PSTPIP1: variants seen among roughly 807,000 people sequenced by gnomAD.
PSTPIP1 encodes the protein proline-serine-threonine phosphatase interacting protein 1.
In PSTPIP1, 66 loss-of-function variants were observed where a neutral mutation model predicts 69.6. The observed-to-expected ratio is 0.95, with a 90% CI of 0.78 to 1.16. The LOEUF (loss-of-function observed/expected upper bound fraction) is 1.16. PSTPIP1 is among the 50% of genes most tolerant of loss of function. The pLI is 0.00. For missense variants in PSTPIP1, 603 were observed against 557.4 expected (o/e 1.08, Z -0.82); for synonymous variants, 266 against 222.7 (o/e 1.19, Z -1.73).
At chr15:77,030,430 A>G in intron 8 of PSTPIP1, 72 bp from the exon 9 acceptor site, 1 of 1,500,494 alleles carries the variant, frequency 6.7e-7, no homozygotes, top group Non-Finnish European at 9.1e-7. Flanking sequence ...GGCATCCAGG[A>G]TGGGACCTGC....
chr15:77,030,915 C>A (rs747060067), intron 9 of PSTPIP1, among the ~76,000 whole-genome samples: 2 of 152,224 alleles, frequency 1.3e-5, no homozygotes, highest in Non-Finnish European at 2.9e-5. Context: ...CGTCCGAGGT[C>A]CCTCTCACTA....
At chr15:77,018,270 G>A (rs779324739) in intron 2 of PSTPIP1, 22 bp downstream of exon 2, 18 of 1,559,912 alleles carry the variant, frequency 1.2e-5, no homozygotes, top group Non-Finnish European at 1.6e-5. Flanking sequence ...GGCAGGCCAT[G>A]GGGAGCGCAG....
chr15:76,995,407 G>A lies in PSTPIP1; in HGVS notation c.-167G>A, dbSNP rs2075554505. ...GTTGAGCTTTTTCCTCCCCTCAGAA[G>A]CTCCTCTCTGGCTCGTGGCTGCCTT... On this transcript the variant is annotated 5_prime_UTR_variant, in exon 1 of 15. Transcript: ENST00000558012. The A allele has an allele frequency of 6.8e-7, 1 of 1,468,426 alleles. No homozygotes were observed. The highest frequency in any genetic ancestry group is 1.4e-5 in the South Asian group (1 of 72,374). The allele number at this position is 1,468,426 out of a possible 1,614,324, so 91.0% of individuals were successfully genotyped here. A position where few individuals can be genotyped will look rare whatever the true frequency, so the allele number is the denominator to read the frequency against.
Position 77,028,654 on chromosome 15 carries a change from T to C in PSTPIP1, c.516+2T>C, listed in dbSNP as rs758958264. ...GGCCACCAGAAGCAGGTGGAGAAGG[T>C]GCGCTGGGCTGCTGGGCCGTGTGGG... On this transcript the variant is annotated splice_donor_variant, in intron 7 of 14. Transcript: ENST00000558012. LOFTEE classifies it high-confidence loss of function. 1 of 1,555,364 alleles carries C rather than the reference T, an allele frequency of 6.4e-7. No individual in the cohort carries two copies. The highest frequency in any genetic ancestry group is 1.2e-5 in the South Asian group (1 of 84,368).
chr15:77,001,479 C>T (rs1485433285), intron 1 of PSTPIP1, among the ~76,000 whole-genome samples: 1 of 152,248 alleles, frequency 6.6e-6, no homozygotes, highest in Non-Finnish European at 1.5e-5. Flanking sequence ...GCCCAGCAAA[C>T]TGCTGTGGCT....
At chr15:77,012,129 C>G (rs1372336107) in intron 1 of PSTPIP1, among the ~76,000 whole-genome samples, 2 of 111,958 alleles carry the variant, frequency 1.8e-5, no homozygotes, top group African/African-American at 7.1e-5. Context: ...ATCCATCCAT[C>G]CATCCATCCA....
intron 9 of PSTPIP1, 42 bp from the exon 10 acceptor site, chr15:77,031,138 C>A: frequency 6.3e-7 from 1 of 1,578,206 alleles, no homozygotes; most frequent in Non-Finnish European, 8.7e-7. Flanking sequence ...CCGGGCCCTG[C>A]AGCCGCCTCC....
chr15:77,029,965 G>A (rs780629410), intron 8 of PSTPIP1, among the ~76,000 whole-genome samples: 94 of 152,152 alleles, frequency 6.2e-4, no homozygotes, highest in Non-Finnish European at 1.2e-3. Context: ...CTTGATGCCC[G>A]AATCCTACCA....
chr15:77,033,100 A>C, intron 12 of PSTPIP1, 148 bp downstream of exon 12: 3 of 780,042 alleles, frequency 3.8e-6, no homozygotes, highest in Non-Finnish European at 6.3e-6. Context: ...CACTCTGTGG[A>C]GACAAGATAG....
rs374319691 is a variant in PSTPIP1, at chr15:77,013,339, C to G, written c.37-4809C>G. ...GAAGCCTCTGATGGGGAAAAGAGAA[C>G]AGGGTCAGTTTCCTCCCTTGCCATG... On this transcript the variant is annotated intron_variant, in intron 1 of 14. Transcript: ENST00000558012. Among the ~76,000 whole-genome samples the G allele has an allele frequency of 9.3e-4, 142 of 152,324 alleles. No individual in the cohort carries two copies. In the South Asian group the frequency reaches 0.029, roughly 31 times the overall value.
At chr15:77,032,181 G>C in intron 10 of PSTPIP1, 117 bp from the exon 11 acceptor site, 1 of 999,612 alleles carries the variant, frequency 1.0e-6, no homozygotes, top group Non-Finnish European at 1.5e-6. Flanking sequence ...CAAAGACCCC[G>C]AGCCGCGCAC....
At chr15:77,034,340 G>A (rs183602344) in intron 12 of PSTPIP1, among the ~76,000 whole-genome samples, 65 of 152,204 alleles carry the variant, frequency 4.3e-4, no homozygotes, top group African/African-American at 1.5e-3. Flanking sequence ...GTGTCTGCCC[G>A]CCTGTGTTGG....
chr15:77,001,653 G>A (rs994637243), intron 1 of PSTPIP1, among the ~76,000 whole-genome samples: 10 of 152,214 alleles, frequency 6.6e-5, no homozygotes, highest in African/African-American at 1.9e-4. Context: ...CAGTGAGGAC[G>A]GAGGCTCTCC....
At chr15:77,031,578 T>C in intron 10 of PSTPIP1, 1 of 308,100 alleles carries the variant, frequency 3.2e-6, no homozygotes, top group South Asian at 3.2e-5. Context: ...GGAGGGGAGG[T>C]GGACACAGCT....
intron 1 of PSTPIP1, among the ~76,000 whole-genome samples, chr15:77,005,739 A>G (rs2075802927): frequency 6.6e-6 from 1 of 152,236 alleles, no homozygotes; most frequent in Non-Finnish European, 1.5e-5. Flanking sequence ...GAATCAGATA[A>G]TATTTGTCCT....
In PSTPIP1 at chr15:77,036,949, C is replaced by T. The variant is rs562562986; in HGVS notation, c.1120-96C>T. 856 of 1,508,352 alleles carry T rather than the reference C, an allele frequency of 5.7e-4. 2 individuals carry two copies. The highest frequency in any genetic ancestry group is 3.5e-3 in the Admixed American group (190 of 54,974). 93.4% of individuals were successfully genotyped at this position (1,508,352 alleles called of 1,614,324 possible). On this transcript the variant is annotated intron_variant, in intron 14 of 14. Transcript: ENST00000558012. Reference sequence around the variant, plus strand: ...CCCCTGCCCACCCTGGGAGACATGCCGCATTTACTGCTGGGTGGGGGAACG... The same window carrying T: ...CCCCTGCCCACCCTGGGAGACATGCTGCATTTACTGCTGGGTGGGGGAACG...
At chr15:77,025,218 G>A (rs2076251161) in intron 3 of PSTPIP1, 66 bp from the exon 4 acceptor site, 1 of 1,527,462 alleles carries the variant, frequency 6.5e-7, no homozygotes, top group African/African-American at 1.4e-5. Flanking sequence ...CCCGCCGGGA[G>A]GCAGCCTGGA....
intron 3 of PSTPIP1, 94 bp from the exon 4 acceptor site, chr15:77,025,190 G>A: frequency 1.5e-6 from 2 of 1,377,728 alleles, no homozygotes; most frequent in Non-Finnish European, 2.1e-6. Flanking sequence ...CAAAATAAAA[G>A]TCCTCCCCAC....
chr15:77,030,631 C>T (rs369291950), intron 9 of PSTPIP1, 50 bp downstream of exon 9: 160 of 1,528,980 alleles, frequency 1.0e-4, no homozygotes, highest in Middle Eastern at 3.5e-4. Context: ...AAGTGTGAGA[C>T]GCCCATCCCT....
Sources: gnomAD v4.1 joint callset for allele counts (sites outside exome capture counted in the v4.1 genomes callset) on GRCh38, gnomAD v4.1.1 for gene constraint, MANE v1.5 for transcripts, NCBI Gene and HGNC (gene_info 2026-07-23, HGNC 2026-07-21) for gene names.